The following NLRP1 variants were observed in gnomAD, a reference collection of about 807,000 sequenced individuals.
NLRP1 encodes the protein NACHT, LRR and PYD domains-containing protein 1.
A neutral mutation model predicts 136.7 loss-of-function variants in NLRP1; 94 were observed. The observed-to-expected ratio is 0.69, with a 90% CI of 0.58 to 0.82. The LOEUF (loss-of-function observed/expected upper bound fraction) is 0.82. Among genes scored for constraint, NLRP1 ranks in the 40% least tolerant of loss-of-function variants. NLRP1 has a pLI of 0.00. For synonymous variants in NLRP1, 690 were observed against 725.1 expected (o/e 0.95, Z 0.78); for missense variants, 1,575 against 1,802.7 (o/e 0.87, Z 2.29).
At chr17:5,569,751 G>T (rs958187920) in intron 3 of NLRP1, among the ~76,000 whole-genome samples, 1 of 151,964 alleles carries the variant, frequency 6.6e-6, no homozygotes, top group East Asian at 1.9e-4. Flanking sequence ...ACCTAAATTC[G>T]ACACTTGACC....
At position 5,583,742 on chromosome 17, in the gene NLRP1, A is replaced by G. The variant is rs1312770167; in HGVS notation, c.216T>C (p.His72=). ...ACCTCAGCCCCATCTGCTCCCAGGT[A>G]TGGAGGGCTAGGTCCCAGGCCCGCT... ...GEQRAWDLAL[H]TWEQMGLRSL... The change falls in exon 1 of 17, where the codon CAT becomes CAC. Residue 72 remains histidine (H), a synonymous_variant. Coordinates refer to ENST00000572272, the MANE Select transcript of NLRP1 (RefSeq NM_033004.4). This position sits in a 1 kb window ranked among gnomAD's most constrained non-coding sequence, Gnocchi z 4.5. The G allele has an allele frequency of 6.4e-7, 1 of 1,552,914 alleles. No individual in the cohort carries two copies. Among genetic ancestry groups the G allele is most frequent in the Non-Finnish European group, 8.7e-7 (1 of 1,148,160 alleles).
intron 1 of NLRP1, 104 bp from the exon 2 acceptor site, chr17:5,582,950 C>T: frequency 1.2e-6 from 1 of 844,676 alleles, no homozygotes. Context: ...GGTCAGGATA[C>T]ACCAGTGAAC....
At chr17:5,548,629 C>T (rs193281136) in intron 5 of NLRP1, among the ~76,000 whole-genome samples, 1 of 152,324 alleles carries the variant, frequency 6.6e-6, no homozygotes, top group East Asian at 1.9e-4. Context: ...ACCTCCTTCT[C>T]CCTCTTTAAT....
At chr17:5,536,263 C>T (rs1400727642) in intron 8 of NLRP1, among the ~76,000 whole-genome samples, 1 of 151,908 alleles carries the variant, frequency 6.6e-6, no homozygotes, top group Non-Finnish European at 1.5e-5. Flanking sequence ...ATTCTCCTGC[C>T]TCAGACTCCC....
At chr17:5,525,232 A>G (rs1388882764) in intron 12 of NLRP1, among the ~76,000 whole-genome samples, 1 of 152,214 alleles carries the variant, frequency 6.6e-6, no homozygotes, top group East Asian at 1.9e-4. Context: ...GAGTACGGAC[A>G]ATGTGCCAGC....
chr17:5,577,815 C>G (rs1025253191), intron 3 of NLRP1, among the ~76,000 whole-genome samples: 1 of 152,152 alleles, frequency 6.6e-6, no homozygotes, highest in Non-Finnish European at 1.5e-5. Context: ...AATCCTAAGC[C>G]AAAAGAACAA....
chr17:5,551,829 G>A (rs1913399266), intron 5 of NLRP1, among the ~76,000 whole-genome samples: 1 of 152,150 alleles, frequency 6.6e-6, no homozygotes. Flanking sequence ...AAGTGCAATG[G>A]CATAATCACA....
intron 4 of NLRP1, among the ~76,000 whole-genome samples, chr17:5,555,715 CAGG>C (rs1218973286): frequency 2.0e-5 from 3 of 152,134 alleles, no homozygotes; most frequent in Admixed American, 2.0e-4. Flanking sequence ...TGGCCAAGAA[CAGG>C]AGAATGGTCA....
intron 9 of NLRP1, 136 bp downstream of exon 9, chr17:5,533,761 G>A (rs1040505229): frequency 5.9e-6 from 4 of 682,990 alleles, no homozygotes; most frequent in South Asian, 3.5e-5. Flanking sequence ...GAGCTCTCTC[G>A]TGGGGGTAGC....
intron 3 of NLRP1, among the ~76,000 whole-genome samples, chr17:5,569,107 C>T (rs961525769): frequency 2.0e-5 from 3 of 152,142 alleles, no homozygotes; most frequent in Admixed American, 6.6e-5. Flanking sequence ...ACCTGCCTTA[C>T]AAGAGGTTCT....
At chr17:5,510,245 G>A (rs908586790), downstream of NLRP1, among the ~76,000 whole-genome samples, 42 of 152,146 alleles carry the variant, frequency 2.8e-4, no homozygotes, top group African/African-American at 1.0e-3. Flanking sequence ...TCCAGGGCTG[G>A]AGTGCAGTGG....
intron 5 of NLRP1, among the ~76,000 whole-genome samples, chr17:5,551,941 T>G (rs527972868): frequency 6.6e-6 from 1 of 152,182 alleles, no homozygotes; most frequent in African/African-American, 2.4e-5. Context: ...AACTAATTTT[T>G]TATTTTATGT....
At chr17:5,556,468 C>CAAAA (rs35427956) in intron 4 of NLRP1, among the ~76,000 whole-genome samples, 7 of 129,568 alleles carry the variant, frequency 5.4e-5, no homozygotes, top group African/African-American at 2.2e-4. Context: ...AACAACAAAC[C>CAAAA]AAAAAAAAAA....
At chr17:5,555,017 TCACACACACACACA>T (rs55705436) in intron 4 of NLRP1, among the ~76,000 whole-genome samples, 7 of 142,342 alleles carry the variant, frequency 4.9e-5, no homozygotes, top group Non-Finnish European at 9.2e-5. Context: ...TGAGATCCCA[TCACACACACACACA>T]CACACACACA....
At chr17:5,576,305 A>G (rs1905013441) in intron 3 of NLRP1, among the ~76,000 whole-genome samples, 1 of 152,196 alleles carries the variant, frequency 6.6e-6, no homozygotes, top group African/African-American at 2.4e-5. Flanking sequence ...CAGAGACACA[A>G]AAAACCTTTC....
At position 5,561,517 on chromosome 17, in the gene NLRP1, C is replaced by T. The variant is rs1914751892; in HGVS notation, c.653-1474G>A. ...GGACTGCAGTGGCGCAATCTCAGCTCACTGCAAGCTCCGCTTCCCGGGTTC... is the reference window on the plus strand; with the variant it reads ...GGACTGCAGTGGCGCAATCTCAGCTTACTGCAAGCTCCGCTTCCCGGGTTC... On this transcript the variant is annotated intron_variant, in intron 3 of 16. Transcript: ENST00000572272. Among the ~76,000 whole-genome samples the T allele has an allele frequency of 4.6e-5, 2 of 43,664 alleles. 1 individual carries two copies. The highest frequency in any genetic ancestry group is 1.7e-4 in the African/African-American group (2 of 11,460). 28.6% of individuals were successfully genotyped at this position (43,664 alleles called of 152,430 possible).
At chr17:5,553,206 A>AT (rs71151873) in intron 5 of NLRP1, among the ~76,000 whole-genome samples, 180 bp downstream of exon 5, 11,291 of 148,606 alleles carry the variant, frequency 0.076, 589 homozygotes, top group African/African-American at 0.14. Flanking sequence ...TCATGAAGGA[A>AT]TTTTTTTTTT....
At chr17:5,544,117 C>T (rs966609784) in intron 5 of NLRP1, among the ~76,000 whole-genome samples, 2 of 152,194 alleles carry the variant, frequency 1.3e-5, no homozygotes, top group African/African-American at 4.8e-5. Flanking sequence ...CACCTCCCTC[C>T]CTCCCTCTAG....
chr17:5,534,964 G>A (rs1910841092), intron 8 of NLRP1, among the ~76,000 whole-genome samples: 1 of 152,216 alleles, frequency 6.6e-6, no homozygotes, highest in African/African-American at 2.4e-5. Flanking sequence ...GCTCACGCCT[G>A]GAATCCCAGC....
Sources: allele counts gnomAD v4.1 joint callset (sites outside exome capture counted in the v4.1 genomes callset), GRCh38; gene constraint gnomAD v4.1.1; non-coding constraint Gnocchi (gnomAD v3.1); transcripts MANE v1.5; gene names NCBI Gene and HGNC (gene_info 2026-07-23, HGNC 2026-07-21).